P2RY8: variants seen among roughly 807,000 people sequenced by gnomAD.
The protein encoded by P2RY8 is S-geranylgeranyl-glutathione receptor P2RY8.
P2RY8 carries 6 observed loss-of-function variants against 10.0 expected under a neutral mutation model. That is an observed-to-expected ratio of 0.60 (90% CI 0.33 to 1.19). The LOEUF (loss-of-function observed/expected upper bound fraction) is 1.19. Among genes scored for constraint, P2RY8 ranks in the 50% most tolerant of loss-of-function variants. P2RY8 has a pLI of 0.04. For synonymous variants in P2RY8, 276 were observed against 252.5 expected, an observed-to-expected ratio of 1.09 and a Z score of -0.88; for missense variants, 456 against 542.0, an observed-to-expected ratio of 0.84 and a Z score of 1.58.
intron 1 of P2RY8, among the ~76,000 whole-genome samples, chrX:1,517,113 A>C (rs75695529): frequency 6.6e-6 from 1 of 150,574 alleles, no homozygotes; most frequent in Non-Finnish European, 1.5e-5. Flanking sequence ...CCCACACCTT[A>C]ATCTTGGATT....
At chrX:1,531,706 T>C (rs1335275985) in intron 1 of P2RY8, among the ~76,000 whole-genome samples, 1 of 152,084 alleles carries the variant, frequency 6.6e-6, no homozygotes, top group Non-Finnish European at 1.5e-5. Context: ...ACAAAGTCCC[T>C]CTGCTCAGGG....
At chrX:1,521,552 G>A (rs1188497819) in intron 1 of P2RY8, among the ~76,000 whole-genome samples, 3 of 152,124 alleles carry the variant, frequency 2.0e-5, no homozygotes, top group Non-Finnish European at 4.4e-5. Flanking sequence ...GCATCAGCAG[G>A]AACCTTGGCA....
chrX:1,531,392 T>A (rs1286360959), intron 1 of P2RY8, among the ~76,000 whole-genome samples: 1 of 152,156 alleles, frequency 6.6e-6, no homozygotes, highest in African/African-American at 2.4e-5. Flanking sequence ...TCTTCCTGCA[T>A]GCCCTCTCCA....
intron 1 of P2RY8, among the ~76,000 whole-genome samples, chrX:1,508,420 A>G (rs2092254525): frequency 6.6e-6 from 1 of 152,254 alleles, no homozygotes; most frequent in East Asian, 1.9e-4. Context: ...CGGCCCTGCC[A>G]CAGAGTGTCA....
rs182453990 is a variant in P2RY8, at chrX:1,483,495, A to C, written c.-24-16913T>G. On this transcript the variant is annotated intron_variant, in intron 1 of 1. Coordinates refer to ENST00000381297, the MANE Select transcript of P2RY8 (RefSeq NM_178129.5). ...ACTAAAAATACAAAATTAGCCAGGC[A>C]TGGAGGCGCATGCCTGTAATCCCAG... is the stretch of plus-strand genomic sequence containing the variant. 6.5e-3 allele frequency among the ~76,000 whole-genome samples: 991 copies of C among 152,156 alleles called. 9 individuals are homozygous for C. The highest frequency in any genetic ancestry group is 0.011 in the South Asian group (55 of 4,824).
intron 1 of P2RY8, among the ~76,000 whole-genome samples, chrX:1,532,193 C>T (rs1257509272): frequency 5.3e-5 from 8 of 151,942 alleles, no homozygotes; most frequent in Non-Finnish European, 7.4e-5. Flanking sequence ...GGAACCAACC[C>T]AAATGCCCAT....
At chrX:1,492,851 A>T (rs1344431415) in intron 1 of P2RY8, among the ~76,000 whole-genome samples, 1 of 151,830 alleles carries the variant, frequency 6.6e-6, no homozygotes, top group African/African-American at 2.4e-5. Flanking sequence ...TTCATCACTA[A>T]TTCCCCAGTG....
chrX:1,467,755 C>T (rs779086588), intron 1 of P2RY8, among the ~76,000 whole-genome samples: 1 of 152,354 alleles, frequency 6.6e-6, no homozygotes, highest in African/African-American at 2.4e-5. Context: ...TAACTCACTG[C>T]AGCCTCCAAC....
At chrX:1,491,430 A>T (rs1424472909) in intron 1 of P2RY8, among the ~76,000 whole-genome samples, 9 of 152,260 alleles carry the variant, frequency 5.9e-5, no homozygotes, top group African/African-American at 1.9e-4. Context: ...AGTAGCACAC[A>T]GGACTTGCTT....
chrX:1,515,947 C>CGGG (rs1491526447), intron 1 of P2RY8, among the ~76,000 whole-genome samples: 13 of 91,870 alleles, frequency 1.4e-4, no homozygotes, highest in Admixed American at 6.6e-4. Flanking sequence ...GCCGAGGGGT[C>CGGG]GGGGGGTGGT....
intron 1 of P2RY8, among the ~76,000 whole-genome samples, chrX:1,516,654 C>A (rs183954401): frequency 2.1e-5 from 3 of 144,924 alleles, no homozygotes; most frequent in Non-Finnish European, 4.6e-5. Context: ...GATCTCAGAC[C>A]TCCAGCTCCA....
At chrX:1,520,995 A>G (rs748491934) in intron 1 of P2RY8, among the ~76,000 whole-genome samples, 1 of 141,568 alleles carries the variant, frequency 7.1e-6, no homozygotes, top group South Asian at 2.3e-4. Flanking sequence ...GCCCCCAATC[A>G]TCACCCTGCT....
chrX:1,521,280 T>A (rs1324820836), intron 1 of P2RY8, among the ~76,000 whole-genome samples: 19 of 152,080 alleles, frequency 1.2e-4, no homozygotes, highest in African/African-American at 4.3e-4. Context: ...TCTCCTGACC[T>A]CGTCATCCGC....
At chrX:1,510,835 C>A (rs1270645988) in intron 1 of P2RY8, among the ~76,000 whole-genome samples, 6 of 151,662 alleles carry the variant, frequency 4.0e-5, no homozygotes, top group African/African-American at 2.4e-5. Context: ...GCCGTGATCG[C>A]GTCACTGCAC....
chrX:1,479,813 T>A (rs2091914680), intron 1 of P2RY8, among the ~76,000 whole-genome samples: 1 of 152,098 alleles, frequency 6.6e-6, no homozygotes, highest in African/African-American at 2.4e-5. Context: ...AGAGGAGACA[T>A]CACTACAGAT....
intron 1 of P2RY8, among the ~76,000 whole-genome samples, chrX:1,498,405 C>CAAAAAAAAAAA (rs1175667773): frequency 1.4e-5 from 1 of 70,620 alleles, no homozygotes; most frequent in African/African-American, 5.0e-5. Flanking sequence ...GACTCTGTCT[C>CAAAAAAAAAAA]AAAAAAAAAA....
At chrX:1,524,671 A>G (rs2092424260) in intron 1 of P2RY8, among the ~76,000 whole-genome samples, 4 of 110,008 alleles carry the variant, frequency 3.6e-5, no homozygotes, top group African/African-American at 1.6e-4. Context: ...CCATCCATTC[A>G]TCCATCCATC....
chrX:1,526,632 A>T (rs1275378469), intron 1 of P2RY8, among the ~76,000 whole-genome samples: 2 of 150,340 alleles, frequency 1.3e-5, no homozygotes, highest in African/African-American at 4.9e-5. Context: ...TTATGCATCC[A>T]CTCATTTATC....
chrX:1,500,663 G>T (rs1305148058), intron 1 of P2RY8, among the ~76,000 whole-genome samples: 1 of 151,996 alleles, frequency 6.6e-6, no homozygotes, highest in Non-Finnish European at 1.5e-5. Flanking sequence ...GGCCAGGCTG[G>T]TCTCGAACTC....
Sources: gnomAD v4.1 joint callset for allele counts (sites outside exome capture counted in the v4.1 genomes callset) on GRCh38, gnomAD v4.1.1 for gene constraint, MANE v1.5 for transcripts, NCBI Gene and HGNC (gene_info 2026-07-23, HGNC 2026-07-21) for gene names.